Variants in PMP22 observed in about 807,000 individuals in gnomAD.
PMP22 encodes the protein Charcot-Marie-Tooth neuropathy 1A (greatly reduced nerve conduction velocity, hereditary motor sensory neuropathy Ia).
In PMP22, 2 loss-of-function variants were observed where a neutral mutation model predicts 18.9. The ratio of observed to expected loss-of-function variants is 0.11; its 90% confidence interval spans 0.04 to 0.33. PMP22 has a LOEUF of 0.33. Ranked by LOEUF, PMP22 falls within the 10% of genes least tolerant of loss-of-function variation. The pLI is 1.00. For synonymous variants in PMP22, 95 were observed against 89.2 expected (o/e 1.07, Z -0.37); for missense variants, 169 against 202.2 (o/e 0.84, Z 1.00).
At chr17:15,257,591 G>C (rs187111426) in intron 3 of PMP22, among the ~76,000 whole-genome samples, 1 of 152,352 alleles carries the variant, frequency 6.6e-6, no homozygotes, top group Non-Finnish European at 1.5e-5. Context: ...GACCCTAAAG[G>C]GGGAGAAACC....
In PMP22 at chr17:15,230,923, G is replaced by A. The variant is rs778132801; in HGVS notation, c.477C>T (p.Arg159=). ...GACAGACCGTCTGGGCGCCTCATTCGCGTTTCCGCAAGATCACATAGATGA... is the reference window on the plus strand; with the variant it reads ...GACAGACCGTCTGGGCGCCTCATTCACGTTTCCGCAAGATCACATAGATGA... ...SGVIYVILRK[R]E The change falls in exon 5 of 5, where the codon CGC becomes CGT. Residue 159 remains arginine (R), a synonymous_variant. Coordinates refer to ENST00000312280, the MANE Select transcript of PMP22 (RefSeq NM_000304.4). 2.7e-5 allele frequency: 44 copies of A among 1,613,822 alleles called. No individual in the cohort carries two copies. The highest frequency in any genetic ancestry group is 5.0e-5 in the Admixed American group (3 of 60,010).
chr17:15,259,046 G>C (rs1221018582), intron 3 of PMP22, 48 bp downstream of exon 3: 1 of 1,339,514 alleles, frequency 7.5e-7, no homozygotes, highest in Non-Finnish European at 1.1e-6. Context: ...TGAGAAACGT[G>C]TTACAGGCGT....
rs891754215 is a variant in PMP22, at chr17:15,243,715, G to C, written c.179-4104C>G. 6.1e-5 allele frequency among the ~76,000 whole-genome samples: 9 copies of C among 147,416 alleles called. No individual in the cohort carries two copies. In the South Asian group the frequency reaches 8.4e-4, roughly 14 times the overall value. On this transcript the variant is annotated intron_variant, in intron 3 of 4. Transcript: ENST00000312280. ...TATAATTATAGAACATATCATAGAA[G>C]TATGATATATAATTATATAATATAT...
chr17:15,259,752 C>G (rs1420327890), intron 2 of PMP22, among the ~76,000 whole-genome samples: 2 of 147,898 alleles, frequency 1.4e-5, no homozygotes, highest in African/African-American at 5.0e-5. Context: ...CAAGCCTGGC[C>G]AACATAGTGA....
At chr17:15,232,617 T>TA (rs916754359) in intron 4 of PMP22, 8 of 152,168 alleles carry the variant, frequency 5.3e-5, no homozygotes, top group African/African-American at 1.9e-4. Context: ...GGCAGGGCTA[T>TA]AAAAAAGGAA....
Position 15,236,757 on chromosome 17 carries a change from C to T in PMP22, c.319+2714G>A, listed in dbSNP as rs182178322. On this transcript the variant is annotated intron_variant, in intron 4 of 4. Transcript: ENST00000312280. ...ACAAAATTGACTTAGAACTGTCACA[C>T]GATAAGGGAACCAGGAACTCTCCAA... is the stretch of plus-strand genomic sequence containing the variant. Among the ~76,000 whole-genome samples the T allele has an allele frequency of 3.0e-4, 45 of 152,272 alleles. No individual in the cohort carries two copies. In the East Asian group the frequency reaches 7.4e-3, roughly 25 times the overall value.
intron 3 of PMP22, among the ~76,000 whole-genome samples, chr17:15,249,174 C>T (rs923684602): frequency 3.9e-5 from 6 of 152,348 alleles, no homozygotes; most frequent in African/African-American, 1.4e-4. Flanking sequence ...CCTCTGCCTA[C>T]TGCAATTCTA....
At chr17:15,246,924 G>T (rs1009946442) in intron 3 of PMP22, among the ~76,000 whole-genome samples, 4 of 150,922 alleles carry the variant, frequency 2.7e-5, no homozygotes, top group African/African-American at 9.8e-5. Flanking sequence ...ACAAAAATTA[G>T]CTGGGTGTGG....
intron 4 of PMP22, among the ~76,000 whole-genome samples, chr17:15,231,472 C>A (rs939132894): frequency 6.6e-6 from 1 of 152,160 alleles, no homozygotes; most frequent in Non-Finnish European, 1.5e-5. Context: ...TGCCACTCTA[C>A]AAGTGAGTGG....
intron 3 of PMP22, among the ~76,000 whole-genome samples, chr17:15,240,167 T>C (rs976471786): frequency 6.6e-6 from 1 of 152,220 alleles, no homozygotes; most frequent in East Asian, 1.9e-4. Context: ...GAGCCCTGCC[T>C]ACTACCTTCC....
rs1398803374 is a variant in PMP22, at chr17:15,261,931, C to T, written c.-34-1170G>A. ...TTTCAATAACCCAGTTTGGAAAGTA[C>T]CCAATCCCAGGCCCCTCTGTTCCTC... On this transcript the variant is annotated intron_variant, in intron 1 of 4. Coordinates refer to ENST00000312280, the MANE Select transcript of PMP22 (RefSeq NM_000304.4). This position sits in a 1 kb window ranked among gnomAD's most constrained non-coding sequence, Gnocchi z 5.2. 1 of 152,220 alleles carries T rather than the reference C, an allele frequency of 6.6e-6. No homozygotes were observed. Among genetic ancestry groups the T allele is most frequent in the African/African-American group, 2.4e-5 (1 of 41,458 alleles). The allele number at this position is 152,220 out of a possible 1,614,324, so 9.4% of individuals were successfully genotyped here.
intron 2 of PMP22, among the ~76,000 whole-genome samples, chr17:15,260,056 C>A (rs1234148535): frequency 2.0e-5 from 3 of 152,054 alleles, no homozygotes. Context: ...AATGTCTGCT[C>A]ATCTTCATCG....
intron 3 of PMP22, among the ~76,000 whole-genome samples, chr17:15,250,620 C>T (rs1908252538): frequency 6.6e-6 from 1 of 152,186 alleles, no homozygotes; most frequent in African/African-American, 2.4e-5. Flanking sequence ...ACCAGTTGCT[C>T]AAGCCCAAAA....
chr17:15,231,538 C>G (rs1336960535), intron 4 of PMP22, among the ~76,000 whole-genome samples: 1 of 152,166 alleles, frequency 6.6e-6, no homozygotes, highest in African/African-American at 2.4e-5. Flanking sequence ...ATTGGAGTCA[C>G]GCCATGGTAA....
chr17:15,248,531 G>A (rs1908029554), intron 3 of PMP22, among the ~76,000 whole-genome samples: 1 of 152,128 alleles, frequency 6.6e-6, no homozygotes, highest in African/African-American at 2.4e-5. Context: ...GTGAGTTTTT[G>A]GACTTCTAAA....
At position 15,239,658 on chromosome 17, in the gene PMP22, G is replaced by A. The variant is rs540980537; in HGVS notation, c.179-47C>T. The A allele has an allele frequency of 5.0e-6, 8 of 1,608,774 alleles. No individual in the cohort carries two copies. In the African/African-American group the frequency reaches 5.3e-5, roughly 11 times the overall value. On this transcript the variant is annotated intron_variant, in intron 3 of 4. Transcript: ENST00000312280. Reference sequence around the variant, plus strand: ...TTAGGAGAGCTGGCCATGGCCGGGGGAGGGCTCTGCCTCGAGGTGCAGGGC... The same window carrying A: ...TTAGGAGAGCTGGCCATGGCCGGGGAAGGGCTCTGCCTCGAGGTGCAGGGC...
At chr17:15,260,585 C>T in intron 2 of PMP22, 65 bp downstream of exon 2, 1 of 1,321,440 alleles carries the variant, frequency 7.6e-7, no homozygotes, top group South Asian at 1.3e-5. Context: ...CCAGCAGGAG[C>T]ACGGGCTGGG....
chr17:15,237,352 C>T (rs961777147), intron 4 of PMP22, among the ~76,000 whole-genome samples: 53 of 152,096 alleles, frequency 3.5e-4, no homozygotes, highest in African/African-American at 1.1e-3. Context: ...AACTTAAAGC[C>T]GAAACAGCTC....
intron 3 of PMP22, among the ~76,000 whole-genome samples, chr17:15,255,557 C>CT (rs535196694): frequency 1.6e-4 from 24 of 152,278 alleles, no homozygotes; most frequent in African/African-American, 5.8e-4. Flanking sequence ...CTCAGGCTAC[C>CT]TACTTCCAGA....
Sources: gnomAD v4.1 joint callset for allele counts (sites outside exome capture counted in the v4.1 genomes callset) on GRCh38, gnomAD v4.1.1 for gene constraint, Gnocchi (gnomAD v3.1) non-coding constraint, MANE v1.5 for transcripts, NCBI Gene and HGNC (gene_info 2026-07-23, HGNC 2026-07-21) for gene names.